The following DCT variants were observed in gnomAD, a reference collection of about 807,000 sequenced individuals.
DCT encodes the protein L-dopachrome tautomerase.
DCT carries 47 observed loss-of-function variants against 53.0 expected under a neutral mutation model. The observed-to-expected ratio is 0.89, with a 90% CI of 0.70 to 1.13. DCT has a LOEUF of 1.13. DCT is among the 50% of genes most tolerant of loss of function. DCT has a pLI of 0.00. For missense variants in DCT, 669 were observed against 637.4 expected, an observed-to-expected ratio of 1.05 and a Z score of -0.53; for synonymous variants, 244 against 237.0, an observed-to-expected ratio of 1.03 and a Z score of -0.27.
chr13:94,439,697 G>A lies in DCT; in HGVS notation c.*201C>T. 1 of 402,762 alleles carries A rather than the reference G, an allele frequency of 2.5e-6. No individual in the cohort carries two copies. The highest frequency in any genetic ancestry group is 4.4e-6 in the Non-Finnish European group (1 of 227,524). The allele number at this position is 402,762 out of a possible 1,614,324, so 24.9% of individuals were successfully genotyped here. ...TATTTGAAGGTAGAGGTAGCCTCAA[G>A]CACTTTAGTTGGGTTTGTTAAACAA... On this transcript the variant is annotated 3_prime_UTR_variant, in exon 8 of 8. Coordinates refer to ENST00000377028, the MANE Select transcript of DCT (RefSeq NM_001922.5).
At position 94,479,304 on chromosome 13, in the gene DCT, T is replaced by C. The variant is rs1411770164; in HGVS notation, c.-49A>G. 7 of 1,456,382 alleles carry C rather than the reference T, an allele frequency of 4.8e-6. No individual in the cohort carries two copies. The highest frequency in any genetic ancestry group is 6.4e-6 in the Non-Finnish European group (7 of 1,088,028). 90.2% of individuals were successfully genotyped at this position (1,456,382 alleles called of 1,614,324 possible). On this transcript the variant is annotated 5_prime_UTR_variant, in exon 1 of 8. Transcript: ENST00000377028. ...CTCTCTCTCTTACTTTCCTTGTCTC[T>C]GTCGTACTTTTCTCCTTATCTTCTA...
chr13:94,546,392 T>C, the DCT span, among the ~76,000 whole-genome samples: 1 of 152,184 alleles, frequency 6.6e-6, no homozygotes, highest in East Asian at 1.9e-4. The surrounding 1 kb of genome is among the most constrained non-coding windows in gnomAD (Gnocchi z 4.2). Flanking sequence ...CAGTCACCTC[T>C]GTACAAATCA....
chr13:94,450,285 C>T (rs1882992103), intron 6 of DCT, among the ~76,000 whole-genome samples: 1 of 152,016 alleles, frequency 6.6e-6, no homozygotes, highest in Admixed American at 6.6e-5. Context: ...GTTTTAGCAG[C>T]CTGAATGGAC....
intron 5 of DCT, 106 bp downstream of exon 5, chr13:94,461,904 C>T (rs2139328358): frequency 1.1e-6 from 1 of 950,464 alleles, no homozygotes; most frequent in East Asian, 2.6e-5. Flanking sequence ...CATCACTTAG[C>T]TTCGTAGACA....
chr13:94,457,373 C>G (rs1387891469), intron 6 of DCT, among the ~76,000 whole-genome samples: 1 of 152,168 alleles, frequency 6.6e-6, no homozygotes, highest in Non-Finnish European at 1.5e-5. Context: ...TATTCTCTCT[C>G]TCCCTCCACT....
the DCT span, among the ~76,000 whole-genome samples, chr13:94,488,719 TATATACACACACACACAC>T: frequency 6.0e-5 from 5 of 83,598 alleles, no homozygotes; most frequent in African/African-American, 1.9e-4. Flanking sequence ...TCTTGTCTAA[TATATACACACACACACAC>T]ACACACACAC....
the DCT span, among the ~76,000 whole-genome samples, chr13:94,511,689 C>G: frequency 2.0e-5 from 3 of 152,080 alleles, no homozygotes; most frequent in African/African-American, 7.2e-5. Context: ...GGACTCCCAG[C>G]TTGCTCTCCA....
At chr13:94,472,562 ATATATATTTTTTTTTTTTTTTTTTTTTT>A (rs1884800144) in intron 1 of DCT, among the ~76,000 whole-genome samples, 3 of 19,080 alleles carry the variant, frequency 1.6e-4, no homozygotes, top group Non-Finnish European at 2.6e-4. Context: ...ATATATATAT[ATATATATTTTTTTTTTTTTTTTTTTTTT>A]TTTTTTTTGT....
chr13:94,457,561 T>A (rs1367239574), intron 6 of DCT, among the ~76,000 whole-genome samples: 3 of 152,196 alleles, frequency 2.0e-5, no homozygotes, highest in Non-Finnish European at 4.4e-5. Context: ...GACACATTGC[T>A]AAGATTAACA....
At chr13:94,544,187 T>A in the DCT span, among the ~76,000 whole-genome samples, 7 of 152,308 alleles carry the variant, frequency 4.6e-5, no homozygotes, top group Admixed American at 4.6e-4. Context: ...ATGTATTTTT[T>A]TTTATTTATT....
intron 6 of DCT, among the ~76,000 whole-genome samples, chr13:94,457,918 A>G (rs1883515439): frequency 6.6e-6 from 1 of 152,196 alleles, no homozygotes; most frequent in Admixed American, 6.5e-5. Flanking sequence ...TGGCGCTATC[A>G]ACGAGGACTT....
At chr13:94,462,583 A>G (rs2139330764) in intron 4 of DCT, among the ~76,000 whole-genome samples, 1 of 152,282 alleles carries the variant, frequency 6.6e-6, no homozygotes, top group South Asian at 2.1e-4. Flanking sequence ...AAGCAAATCA[A>G]TCAGGGTCAC....
At chr13:94,530,256 GAA>G in the DCT span, among the ~76,000 whole-genome samples, 1 of 152,184 alleles carries the variant, frequency 6.6e-6, no homozygotes, top group Non-Finnish European at 1.5e-5. Context: ...TCAATCAATA[GAA>G]AAAGAGGGAA....
the DCT span, among the ~76,000 whole-genome samples, chr13:94,524,811 G>A: frequency 6.6e-6 from 1 of 152,058 alleles, no homozygotes; most frequent in Admixed American, 6.6e-5. Context: ...TTGGAAATAG[G>A]GTTGTTACGA....
chr13:94,439,895 A>C lies in DCT; in HGVS notation c.*3T>G, dbSNP rs749898661. 1.1e-5 allele frequency: 18 copies of C among 1,609,062 alleles called. No homozygotes were observed. In the African/African-American group the frequency reaches 2.4e-4, roughly 22 times the overall value. ...CTCTTCTCTTAGGTAAGGCATGAGC[A>C]CCCTAGGCTTCTTCTGTGTATCTCT... is the stretch of plus-strand genomic sequence containing the variant. On this transcript the variant is annotated 3_prime_UTR_variant, in exon 8 of 8. Transcript: ENST00000377028.
the DCT span, among the ~76,000 whole-genome samples, chr13:94,544,721 T>G: frequency 6.6e-6 from 1 of 152,220 alleles, no homozygotes; most frequent in Non-Finnish European, 1.5e-5. Flanking sequence ...AAGTTTTATT[T>G]CTGGCCAAGG....
At chr13:94,522,453 T>G in the DCT span, among the ~76,000 whole-genome samples, 1 of 152,184 alleles carries the variant, frequency 6.6e-6, no homozygotes. Flanking sequence ...AGATGGCCTA[T>G]TGTGGGACCT....
At chr13:94,469,974 C>T (rs1252860456) in intron 1 of DCT, among the ~76,000 whole-genome samples, 1 of 151,956 alleles carries the variant, frequency 6.6e-6, no homozygotes, top group African/African-American at 2.4e-5. Flanking sequence ...ACTGCAGAGG[C>T]TGAGGCAGGA....
Position 94,469,113 on chromosome 13 carries a change from G to A in DCT, c.296-68C>T, listed in dbSNP as rs567932961. 14 of 1,343,208 alleles carry A rather than the reference G, an allele frequency of 1.0e-5. No individual in the cohort carries two copies. The East Asian group carries it at 3.0e-4, about 29-fold the overall frequency. 83.2% of individuals were successfully genotyped at this position (1,343,208 alleles called of 1,614,324 possible). On this transcript the variant is annotated intron_variant, in intron 1 of 7. Coordinates refer to ENST00000377028, the MANE Select transcript of DCT (RefSeq NM_001922.5). ...TCGTTTGGAAGAAATTTCTGAATTT[G>A]TACTCTGAAATTTGAATGGAAGAGA... is the stretch of plus-strand genomic sequence containing the variant.
Sources: allele counts gnomAD v4.1 joint callset (sites outside exome capture counted in the v4.1 genomes callset), GRCh38; gene constraint gnomAD v4.1.1; non-coding constraint Gnocchi (gnomAD v3.1); transcripts MANE v1.5; gene names NCBI Gene and HGNC (gene_info 2026-07-23, HGNC 2026-07-21).